Variants in SLC30A8 observed in about 807,000 individuals in gnomAD.
SLC30A8 encodes solute carrier family 30 member 8.
In SLC30A8, 27 loss-of-function variants were observed where a neutral mutation model predicts 36.9. The ratio of observed to expected loss-of-function variants is 0.73; its 90% CI spans 0.54 to 1.01. SLC30A8 has a LOEUF of 1.01. SLC30A8 is among the 50% of genes least tolerant of loss of function. The probability of loss-of-function intolerance (pLI) is 0.00; values close to 1 mark genes in which losing one functional copy is unlikely to be tolerated. For synonymous variants in SLC30A8, 164 were observed against 172.4 expected (o/e 0.95, Z 0.38); for missense variants, 439 against 452.0 (o/e 0.97, Z 0.26).
At chr8:117,149,421 G>A (rs371155737) in intron 2 of SLC30A8, among the ~76,000 whole-genome samples, 82 of 152,168 alleles carry the variant, frequency 5.4e-4, no homozygotes, top group African/African-American at 1.8e-3. Flanking sequence ...AATTAATCCC[G>A]GTGAATTCCC....
intron 2 of SLC30A8, among the ~76,000 whole-genome samples, chr8:117,121,016 A>G (rs1312654695): frequency 6.6e-6 from 1 of 151,834 alleles, no homozygotes; most frequent in African/African-American, 2.4e-5. Context: ...GTTGTGGAGA[A>G]ATTGGAACCC....
chr8:117,100,142 T>C (rs115966888), intron 2 of SLC30A8, among the ~76,000 whole-genome samples: 1,775 of 152,308 alleles, frequency 0.012, 54 homozygotes, highest in African/African-American at 0.04. Flanking sequence ...ATTTGCCTAT[T>C]CTATCTCAGG....
chr8:117,126,036 CT>C (rs1160626464), intron 2 of SLC30A8, among the ~76,000 whole-genome samples: 1 of 151,904 alleles, frequency 6.6e-6, no homozygotes, highest in Admixed American at 6.6e-5. Context: ...GTTTTCCCCC[CT>C]CGATGAAGCA....
At chr8:117,030,123 C>T (rs767647139) in intron 1 of SLC30A8, among the ~76,000 whole-genome samples, 3 of 151,948 alleles carry the variant, frequency 2.0e-5, no homozygotes, top group Non-Finnish European at 2.9e-5. Flanking sequence ...AAAGAAGTGA[C>T]CCTCAGTCGT....
At chr8:117,000,201 A>G (rs941843489) in intron 1 of SLC30A8, among the ~76,000 whole-genome samples, 6 of 152,178 alleles carry the variant, frequency 3.9e-5, no homozygotes, top group African/African-American at 1.4e-4. Context: ...TGAAATCAGA[A>G]CAGGCCTGAG....
chr8:117,156,568 AG>A (rs1299933591), intron 3 of SLC30A8, among the ~76,000 whole-genome samples: 1 of 152,328 alleles, frequency 6.6e-6, no homozygotes, highest in South Asian at 2.1e-4. Flanking sequence ...CATTTCCCAT[AG>A]TGTGAGAAAT....
Position 117,143,665 on chromosome 8 carries a change from A to AACACACACACACACAC in SLC30A8, c.72-3272_72-3257dup, listed in dbSNP as rs58613241. Among the ~76,000 whole-genome samples the AACACACACACACACAC allele has an allele frequency of 8.3e-4, 122 of 146,294 alleles. 1 individual carries two copies. Among genetic ancestry groups the AACACACACACACACAC allele is most frequent in the Admixed American group, 1.4e-3 (21 of 14,642 alleles). On this transcript the variant is annotated intron_variant, in intron 1 of 7. Coordinates refer to ENST00000456015, the MANE Select transcript of SLC30A8 (RefSeq NM_173851.3). ...CTGTGTACTCTTGCCTCTCCCATAA[A>AACACACACACACACAC]ACACACACACACACACACACACACA... is the stretch of plus-strand genomic sequence containing the variant.
chr8:117,045,420 A>G (rs746094671), intron 2 of SLC30A8, among the ~76,000 whole-genome samples: 1 of 152,266 alleles, frequency 6.6e-6, no homozygotes, highest in Middle Eastern at 3.4e-3. Context: ...TTTGGTATTC[A>G]TCAAAGAGAC....
intron 2 of SLC30A8, among the ~76,000 whole-genome samples, chr8:117,092,144 CTG>C (rs1039891290): frequency 2.8e-4 from 42 of 152,302 alleles, no homozygotes; most frequent in African/African-American, 9.9e-4. Flanking sequence ...GACATAAAAA[CTG>C]TTGAGTTAGT....
intron 2 of SLC30A8, among the ~76,000 whole-genome samples, chr8:117,089,864 C>G (rs1005202000): frequency 1.3e-5 from 2 of 152,150 alleles, no homozygotes; most frequent in African/African-American, 4.8e-5. Context: ...TTTGCACACC[C>G]TACAGTCTGG....
At chr8:116,979,532 G>A (rs1345752726) in intron 1 of SLC30A8, among the ~76,000 whole-genome samples, 1 of 152,136 alleles carries the variant, frequency 6.6e-6, no homozygotes, top group African/African-American at 2.4e-5. Flanking sequence ...GGTACTGGTG[G>A]TCTCAGACCC....
chr8:117,087,432 A>C (rs1486977224), intron 2 of SLC30A8, among the ~76,000 whole-genome samples: 2 of 152,196 alleles, frequency 1.3e-5, no homozygotes, highest in African/African-American at 4.8e-5. Flanking sequence ...GAGGTGGCTC[A>C]TCATTTTTAA....
chr8:117,155,665 A>G (rs1822444774), intron 3 of SLC30A8, among the ~76,000 whole-genome samples: 1 of 152,182 alleles, frequency 6.6e-6, no homozygotes, highest in South Asian at 2.1e-4. Context: ...AATATATTAC[A>G]TTACTTGGTT....
At chr8:117,115,271 G>A (rs1820397471) in intron 2 of SLC30A8, among the ~76,000 whole-genome samples, 1 of 151,938 alleles carries the variant, frequency 6.6e-6, no homozygotes. Flanking sequence ...TAGAAAACCA[G>A]CAGGAGGAAC....
intron 2 of SLC30A8, among the ~76,000 whole-genome samples, chr8:117,111,269 A>AT (rs1820215307): frequency 6.6e-6 from 1 of 152,192 alleles, no homozygotes; most frequent in Non-Finnish European, 1.5e-5. Context: ...ATAAGAAAAG[A>AT]TAGGTAGCTT....
At chr8:117,081,794 A>G (rs1818685563) in intron 2 of SLC30A8, among the ~76,000 whole-genome samples, 1 of 152,206 alleles carries the variant, frequency 6.6e-6, no homozygotes, top group South Asian at 2.1e-4. Context: ...TTGTCACCTA[A>G]TAACAAAAAT....
At chr8:116,998,549 A>G (rs1192064658) in intron 1 of SLC30A8, among the ~76,000 whole-genome samples, 2 of 152,210 alleles carry the variant, frequency 1.3e-5, no homozygotes, top group African/African-American at 4.8e-5. Context: ...AGCGTCCCCC[A>G]AAATTCATGG....
chr8:117,131,652 G>A (rs1821143185), upstream of SLC30A8, among the ~76,000 whole-genome samples: 1 of 151,982 alleles, frequency 6.6e-6, no homozygotes, highest in Non-Finnish European at 1.5e-5. Flanking sequence ...CTTGATGGAT[G>A]CTTCATTCAC....
intron 2 of SLC30A8, among the ~76,000 whole-genome samples, chr8:117,097,346 G>A (rs1164307781): frequency 2.4e-5 from 3 of 123,262 alleles, no homozygotes; most frequent in African/African-American, 9.5e-5. Context: ...GCAGTGAGCC[G>A]AGATCGCGCC....
Sources: gnomAD v4.1 joint callset for allele counts (sites outside exome capture counted in the v4.1 genomes callset) on GRCh38, gnomAD v4.1.1 for gene constraint, MANE v1.5 for transcripts, NCBI Gene and HGNC (gene_info 2026-07-23, HGNC 2026-07-21) for gene names.